VAT1L: variants seen among roughly 807,000 people sequenced by gnomAD.
VAT1L encodes the protein vesicle amine transport 1 like.
In VAT1L, 34 loss-of-function variants were observed where a neutral mutation model predicts 44.1. That is an observed-to-expected ratio of 0.77 (90% CI 0.59 to 1.03). VAT1L has a LOEUF of 1.03. VAT1L is among the 50% of genes least tolerant of loss of function. VAT1L has a pLI of 0.00. For synonymous variants in VAT1L, 253 were observed against 202.2 expected (o/e 1.25, Z -2.13); for missense variants, 615 against 538.8 (o/e 1.14, Z -1.40).
At chr16:77,852,583 T>C (rs1248723812) in intron 3 of VAT1L, among the ~76,000 whole-genome samples, 2 of 152,204 alleles carry the variant, frequency 1.3e-5, no homozygotes, top group African/African-American at 4.8e-5. Flanking sequence ...CCTGGCAAGA[T>C]TACTCTAAGT....
chr16:77,897,398 G>C (rs937397992), intron 7 of VAT1L, among the ~76,000 whole-genome samples: 1 of 152,144 alleles, frequency 6.6e-6, no homozygotes. Context: ...CTGCTGACAC[G>C]AGGCATATTA....
chr16:77,947,378 C>A (rs977243224), intron 7 of VAT1L, among the ~76,000 whole-genome samples: 3 of 152,190 alleles, frequency 2.0e-5, no homozygotes, highest in African/African-American at 7.2e-5. Context: ...AAACCTGAAG[C>A]AATCGTAAAG....
intron 7 of VAT1L, among the ~76,000 whole-genome samples, chr16:77,962,775 G>GGAAGGAAGGAAGGAAGGAAA (rs1317695783): frequency 4.1e-5 from 6 of 147,098 alleles, no homozygotes; most frequent in South Asian, 2.2e-4. Flanking sequence ...AAGGAAGGAA[G>GGAAGGAAGGAAGGAAGGAAA]GAAAGAAAGA....
chr16:77,910,628 C>T (rs1422386504), intron 7 of VAT1L, among the ~76,000 whole-genome samples: 7 of 140,952 alleles, frequency 5.0e-5, no homozygotes, highest in African/African-American at 1.9e-4. Context: ...GAGCCGAGAT[C>T]GCTCCACTGC....
intron 3 of VAT1L, among the ~76,000 whole-genome samples, chr16:77,845,319 G>A (rs562939325): frequency 2.0e-5 from 3 of 152,274 alleles, no homozygotes; most frequent in South Asian, 2.1e-4. Context: ...CAGCAGGTGC[G>A]GGATAAGAGT....
intron 7 of VAT1L, among the ~76,000 whole-genome samples, chr16:77,955,111 CCT>C (rs747638603): frequency 1.4e-4 from 21 of 152,136 alleles, no homozygotes; most frequent in Non-Finnish European, 3.1e-4. Context: ...AACAAAATCC[CCT>C]GTGTGCAACA....
intron 7 of VAT1L, among the ~76,000 whole-genome samples, chr16:77,931,435 T>G (rs1333815128): frequency 1.3e-5 from 2 of 152,096 alleles, no homozygotes; most frequent in Non-Finnish European, 2.9e-5. Context: ...TTCCAAAATG[T>G]GTTTCATGGA....
rs1458113453 is a variant in VAT1L, at chr16:77,977,600, G to A, written c.1165G>A (p.Ala389Thr). ...DVEKTPTPLM[A>T]NDSTETSEAG... is the part of the protein sequence containing the mutation. ...AACATCCTCTTTTGAATTACAGATG[G>A]CCAATGACAGCACAGAGACCAGTGA... is the stretch of plus-strand genomic sequence containing the variant. The change falls in exon 9 of 9, where the codon GCC becomes ACC. Residue 389 changes from alanine to threonine, a missense_variant. Coordinates refer to ENST00000302536, the MANE Select transcript of VAT1L (RefSeq NM_020927.3). The A allele has an allele frequency of 1.2e-6, 2 of 1,613,958 alleles. No individual in the cohort carries two copies. The highest frequency in any genetic ancestry group is 1.7e-6 in the Non-Finnish European group (2 of 1,179,924).
intron 4 of VAT1L, among the ~76,000 whole-genome samples, chr16:77,872,802 G>T (rs960976943): frequency 5.3e-5 from 8 of 152,210 alleles, no homozygotes; most frequent in Admixed American, 2.0e-4. Flanking sequence ...CTCCTGGATG[G>T]TGAGGGCAAA....
chr16:77,960,914 C>T (rs1244104931), intron 7 of VAT1L, among the ~76,000 whole-genome samples: 3 of 152,038 alleles, frequency 2.0e-5, no homozygotes, highest in East Asian at 1.9e-4. Context: ...CCATGGGTCA[C>T]GCGCTGAGTC....
At chr16:77,801,748 A>T (rs1057301852) in intron 1 of VAT1L, 1 of 150,712 alleles carries the variant, frequency 6.6e-6, no homozygotes. Flanking sequence ...CTCATCTAGG[A>T]TCAGAAAGAA....
At chr16:77,808,506 A>G (rs1419733427) in intron 1 of VAT1L, among the ~76,000 whole-genome samples, 2 of 152,182 alleles carry the variant, frequency 1.3e-5, no homozygotes, top group Non-Finnish European at 2.9e-5. Flanking sequence ...AATGTCTTCC[A>G]TTAAACTGGT....
At chr16:77,918,262 AAG>A (rs1351911427) in intron 7 of VAT1L, among the ~76,000 whole-genome samples, 1 of 152,176 alleles carries the variant, frequency 6.6e-6, no homozygotes, top group African/African-American at 2.4e-5. Context: ...CCAATAAGCT[AAG>A]TACTGATTCA....
intron 7 of VAT1L, among the ~76,000 whole-genome samples, chr16:77,954,269 T>G (rs2018077339): frequency 6.6e-6 from 1 of 152,314 alleles, no homozygotes; most frequent in Non-Finnish European, 1.5e-5. Flanking sequence ...GGCTATCTGC[T>G]GCTTTCCAGC....
intron 7 of VAT1L, among the ~76,000 whole-genome samples, chr16:77,953,145 T>C (rs1436973604): frequency 1.3e-5 from 2 of 152,108 alleles, no homozygotes; most frequent in East Asian, 3.9e-4. Context: ...CCACCAAAGA[T>C]GCCAGCAACC....
chr16:77,946,279 C>CTTGTTTTTTTTTTTTTTTTTTTTT (rs2017963497), intron 7 of VAT1L, among the ~76,000 whole-genome samples: 1 of 70,428 alleles, frequency 1.4e-5, no homozygotes, highest in Non-Finnish European at 2.5e-5. Flanking sequence ...GTTACTTGTT[C>CTTGTTTTTTTTTTTTTTTTTTTTT]TTTTTTTTTT....
intron 7 of VAT1L, among the ~76,000 whole-genome samples, chr16:77,955,725 C>G (rs1394642399): frequency 3.0e-4 from 37 of 123,046 alleles, no homozygotes; most frequent in African/African-American, 6.5e-4. Context: ...CATATCCCCC[C>G]CCCCAAAAAA....
intron 7 of VAT1L, among the ~76,000 whole-genome samples, chr16:77,955,681 C>T (rs979399730): frequency 6.8e-5 from 10 of 148,126 alleles, no homozygotes; most frequent in Non-Finnish European, 1.5e-4. Flanking sequence ...GCTGAGATCG[C>T]AACACTACAC....
At chr16:77,973,455 T>C (rs1362423280) in intron 8 of VAT1L, among the ~76,000 whole-genome samples, 2 of 152,022 alleles carry the variant, frequency 1.3e-5, no homozygotes, top group Admixed American at 6.5e-5. Context: ...TGGTTAATTT[T>C]TGTATTTTTA....
Sources: allele counts gnomAD v4.1 joint callset (sites outside exome capture counted in the v4.1 genomes callset), GRCh38; gene constraint gnomAD v4.1.1; transcripts MANE v1.5; gene names NCBI Gene and HGNC (gene_info 2026-07-23, HGNC 2026-07-21).